The following SREBF1 variants were observed in gnomAD, a reference collection of about 807,000 sequenced individuals.
SREBF1 encodes sterol regulatory element-binding protein 1.
A neutral mutation model predicts 100.1 loss-of-function variants in SREBF1; 45 were observed. The ratio of observed to expected loss-of-function variants is 0.45; its 90% CI spans 0.35 to 0.58. The LOEUF (loss-of-function observed/expected upper bound fraction) is 0.58. Among genes scored for constraint, SREBF1 ranks in the 20% least tolerant of loss-of-function variants. The probability of loss-of-function intolerance (pLI) is 0.00; values close to 1 mark genes in which losing one functional copy is unlikely to be tolerated. For synonymous variants in SREBF1, 657 were observed against 681.8 expected (o/e 0.96, Z 0.57); for missense variants, 1,324 against 1,539.4 (o/e 0.86, Z 2.34).
At chr17:17,834,021 AAC>A (rs1288811430) in intron 1 of SREBF1, among the ~76,000 whole-genome samples, 13 of 148,804 alleles carry the variant, frequency 8.7e-5, no homozygotes, top group South Asian at 2.1e-4. Flanking sequence ...AACACATATA[AAC>A]ACACAGAGAG....
At chr17:17,830,593 A>G (rs1320032574) in intron 1 of SREBF1, among the ~76,000 whole-genome samples, 1 of 152,234 alleles carries the variant, frequency 6.6e-6, no homozygotes, top group African/African-American at 2.4e-5. Flanking sequence ...TGCAGAGGCA[A>G]GGCCTGCTGG....
rs771472597 is a variant in SREBF1 at position 17,814,671 on chromosome 17, C to T, written c.2679G>A (p.Ala893=). Residue 893 remains alanine (A), a synonymous_variant, in exon 15 of 19, where the codon GCG becomes GCA. Coordinates refer to ENST00000261646, the MANE Select transcript of SREBF1 (RefSeq NM_004176.5). ...VIHWLRRDEE[A]AERLCPLVEH... is the part of the protein sequence containing the mutation. ...CCACCAGCGGGCACAGCCGCTCAGC[C>T]GCCTCCTCATCCCGCCGCAGCCAGT... is the stretch of plus-strand genomic sequence containing the variant. 1.8e-5 allele frequency: 29 copies of T among 1,575,528 alleles called. 1 individual carries two copies. The highest frequency in any genetic ancestry group is 2.7e-5 in the African/African-American group (2 of 74,050).
chr17:17,814,897 G>T lies in SREBF1; in HGVS notation c.2540C>A (p.Ser847Tyr). The change falls in exon 14 of 19, where the codon TCT becomes TAT. Residue 847 changes from serine to tyrosine, a missense_variant. Coordinates refer to ENST00000261646, the MANE Select transcript of SREBF1 (RefSeq NM_004176.5). ...GTAGGCAGGAGCCCCCGCAGCATCA[G>T]AACAGCTGTTCAGCAGCTGCAGGTA... ...LGYLQLLNSCSDAAGAPAYSF... is the reference protein window; with the variant it reads ...LGYLQLLNSCYDAAGAPAYSF... The T allele has an allele frequency of 6.3e-7, 1 of 1,583,208 alleles. No homozygotes were observed. The highest frequency in any genetic ancestry group is 1.8e-5 in the Admixed American group (1 of 54,246).
chr17:17,827,513 C>T (rs1202359690), intron 1 of SREBF1, among the ~76,000 whole-genome samples: 2 of 152,222 alleles, frequency 1.3e-5, no homozygotes, highest in East Asian at 1.9e-4. Flanking sequence ...TAACTGGAGT[C>T]GGCGGTCCTC....
intron 1 of SREBF1, among the ~76,000 whole-genome samples, chr17:17,825,158 G>A (rs887211188): frequency 6.6e-6 from 1 of 152,198 alleles, no homozygotes; most frequent in Admixed American, 6.5e-5. Flanking sequence ...CTAGAATGTG[G>A]TGAGACCAAC....
At position 17,817,539 on chromosome 17, in the gene SREBF1, T is replaced by G; in HGVS notation, c.1405-82A>C. On this transcript the variant is annotated intron_variant, in intron 7 of 18. Transcript: ENST00000261646. The surrounding 1 kb of genome is among the most constrained non-coding windows in gnomAD (Gnocchi z 6.6). ...GGGCTGGGAAGGGGGGGGTCAGGAT[T>G]CTGCCCACCTTACTGTGGGACCCCA... 2 of 1,533,154 alleles carry G rather than the reference T, an allele frequency of 1.3e-6. No homozygotes were observed. Among genetic ancestry groups the G allele is most frequent in the Non-Finnish European group, 1.8e-6 (2 of 1,129,830 alleles). The allele number at this position is 1,533,154 out of a possible 1,614,324, so 95.0% of individuals were successfully genotyped here. A position where few individuals can be genotyped will look rare whatever the true frequency, so the allele number is the denominator to read the frequency against.
chr17:17,818,995 CT>C lies in SREBF1; in HGVS notation c.1068+17del. On this transcript the variant is annotated intron_variant, in intron 5 of 18. Coordinates refer to ENST00000261646, the MANE Select transcript of SREBF1 (RefSeq NM_004176.5). ...CCTAGGGACACCCCGGTCTGTGCCC[CT>C]GCAGGCCTCTCCACACCTTTGCCTC... 6.2e-7 allele frequency: 1 copy of C among 1,611,182 alleles called. No individual in the cohort carries two copies. Among genetic ancestry groups the C allele is most frequent in the East Asian group, 2.2e-5 (1 of 44,888 alleles).
chr17:17,831,332 A>T (rs1368457165), intron 1 of SREBF1, among the ~76,000 whole-genome samples: 1 of 151,934 alleles, frequency 6.6e-6, no homozygotes, highest in African/African-American at 2.4e-5. Flanking sequence ...AGCCAGACAC[A>T]TGACTAGAAG....
chr17:17,818,216 C>T (rs745743489), intron 6 of SREBF1, 44 bp downstream of exon 6: 2 of 1,554,130 alleles, frequency 1.3e-6, no homozygotes, highest in East Asian at 4.5e-5. Flanking sequence ...TGGAGCAAGG[C>T]TAGAGAAGAG....
chr17:17,816,182 G>GCCCCCCCCCCC, intron 11 of SREBF1, 25 bp downstream of exon 11: 1 of 81,144 alleles, frequency 1.2e-5, no homozygotes, highest in Non-Finnish European at 2.2e-5. Context: ...GCAGGGATAA[G>GCCCCCCCCCCC]CCCCCAGCCC....
Position 17,814,544 on chromosome 17 carries a change from G to A in SREBF1, c.2735+71C>T, listed in dbSNP as rs1889784317. 3 of 1,535,516 alleles carry A rather than the reference G, an allele frequency of 2.0e-6. No individual in the cohort carries two copies. In the South Asian group the frequency reaches 3.6e-5, roughly 18 times the overall value. ...CTCCTGCACAGAACAAAGGCTGAGT[G>A]AGGCACAGTGCCCAGGGGATGAGGA... On this transcript the variant is annotated intron_variant, in intron 15 of 18. Coordinates refer to ENST00000261646, the MANE Select transcript of SREBF1 (RefSeq NM_004176.5).
At position 17,814,839 on chromosome 17, in the gene SREBF1, G is replaced by T; in HGVS notation, c.2598C>A (p.Thr866=). 3 of 1,596,794 alleles carry T rather than the reference G, an allele frequency of 1.9e-6. No individual in the cohort carries two copies. Among genetic ancestry groups the T allele is most frequent in the Non-Finnish European group, 2.6e-6 (3 of 1,172,342 alleles). ...SFSISSSMAT[T]TGVDPVAKWW... ...GGACAGGGGCCGGGGACTCACCGGT[G>T]GTGGTGGCCATGCTGGAACTGATGG... Residue 866 remains threonine, a synonymous_variant, in exon 14 of 19, where the codon ACC becomes ACA. Transcript: ENST00000261646.
At chr17:17,820,599 AC>A (rs2034030278) in intron 1 of SREBF1, 78 bp from the exon 2 acceptor site, 1 of 1,475,018 alleles carries the variant, frequency 6.8e-7, no homozygotes, top group African/African-American at 1.4e-5. Flanking sequence ...TCCAAACACA[AC>A]CTTATTTGCA....
Position 17,814,599 on chromosome 17 carries a change from C to A in SREBF1, c.2735+16G>T. 2.6e-6 allele frequency: 4 copies of A among 1,538,650 alleles called. No homozygotes were observed. The highest frequency in any genetic ancestry group is 3.5e-6 in the Non-Finnish European group (4 of 1,147,106). On this transcript the variant is annotated intron_variant, in intron 15 of 18. Coordinates refer to ENST00000261646, the MANE Select transcript of SREBF1 (RefSeq NM_004176.5). The stretch of plus-strand genomic sequence containing the variant: ...TGAGCCCGGGACCAGGCAGGAGGAA[C>A]CTGCCGTGCACTCACTCAGACTCCT...
At chr17:17,832,717 G>A (rs761228422) in intron 1 of SREBF1, among the ~76,000 whole-genome samples, 9 of 151,992 alleles carry the variant, frequency 5.9e-5, no homozygotes, top group South Asian at 2.1e-4. Flanking sequence ...TCAGGAGATC[G>A]AGACCATCCT....
chr17:17,829,940 T>C (rs1255894638), intron 1 of SREBF1, among the ~76,000 whole-genome samples: 1 of 150,822 alleles, frequency 6.6e-6, no homozygotes, highest in African/African-American at 2.4e-5. Context: ...GTGCCCAGCA[T>C]CAATTATCTT....
Position 17,825,567 on chromosome 17 carries a change from C to T in SREBF1, c.92-5046G>A, listed in dbSNP as rs1852718015. ...AACTCAAGGCCTGGCCAAACCCTGG[C>T]TCACTCTCCCCTGGGGCTGATCTAC... On this transcript the variant is annotated intron_variant, in intron 1 of 18. Transcript: ENST00000261646. Among the ~76,000 whole-genome samples the T allele has an allele frequency of 1.3e-5, 2 of 150,444 alleles. 1 individual carries two copies. Among genetic ancestry groups the T allele is most frequent in the South Asian group, 4.2e-4 (2 of 4,748 alleles).
Position 17,815,286 on chromosome 17 carries a change from G to A in SREBF1, c.2427C>T (p.Leu809=). The A allele has an allele frequency of 1.2e-6, 2 of 1,613,706 alleles. No homozygotes were observed. The highest frequency in any genetic ancestry group is 1.6e-4 in the Middle Eastern group (1 of 6,062). The part of the protein sequence containing the change: ...AQVTQLFREH[L]LERALNCVTQ... ...TCACACAGTTCAGTGCTCGCTCTAA[G>A]AGATGTTCCCGGAATAGCTGAGTCA... Residue 809 remains leucine (L), a synonymous_variant, in exon 13 of 19, where the codon CTC becomes CTT. Coordinates refer to ENST00000261646, the MANE Select transcript of SREBF1 (RefSeq NM_004176.5).
intron 1 of SREBF1, among the ~76,000 whole-genome samples, chr17:17,834,047 G>GAGAGAC (rs2035078569): frequency 6.6e-6 from 1 of 151,050 alleles, no homozygotes; most frequent in Non-Finnish European, 1.5e-5. Context: ...GAGAGAGAGA[G>GAGAGAC]AAGAAAAGCT....
Sources: allele counts gnomAD v4.1 joint callset (sites outside exome capture counted in the v4.1 genomes callset), GRCh38; gene constraint gnomAD v4.1.1; non-coding constraint Gnocchi (gnomAD v3.1); transcripts MANE v1.5; gene names NCBI Gene and HGNC (gene_info 2026-07-23, HGNC 2026-07-21).